SIPA1L1: variants seen among roughly 807,000 people sequenced by gnomAD.
SIPA1L1 encodes the protein signal induced proliferation associated 1 like 1, also known as signal-induced proliferation-associated 1-like protein 1.
In SIPA1L1, 26 loss-of-function variants were observed where a neutral mutation model predicts 162.7. That is an observed-to-expected ratio of 0.16 (90% CI 0.12 to 0.22). The LOEUF (loss-of-function observed/expected upper bound fraction) is 0.22. Among genes scored for constraint, SIPA1L1 ranks in the 10% least tolerant of loss-of-function variants. The probability of loss-of-function intolerance (pLI) is 1.00; values close to 1 mark genes in which losing one functional copy is unlikely to be tolerated. For synonymous variants in SIPA1L1, 829 were observed against 837.4 expected (o/e 0.99, Z 0.17); for missense variants, 1,874 against 2,241.0 (o/e 0.84, Z 3.31).
chr14:71,498,119 T>C (rs4899396), intron 2 of SIPA1L1, among the ~76,000 whole-genome samples: 103,491 of 152,120 alleles, frequency 0.68, 36,899 homozygotes, highest in African/African-American at 0.9. Context: ...ATGTATTTGC[T>C]ATCTTTGTAC....
chr14:71,320,911 G>C (rs2032696319), intron 1 of SIPA1L1, among the ~76,000 whole-genome samples: 1 of 151,948 alleles, frequency 6.6e-6, no homozygotes, highest in Admixed American at 6.5e-5. Flanking sequence ...CCTCCTCCGG[G>C]AGCTCGGCCC....
At chr14:71,452,599 G>A (rs1271638630) in intron 2 of SIPA1L1, among the ~76,000 whole-genome samples, 1 of 152,176 alleles carries the variant, frequency 6.6e-6, no homozygotes, top group Non-Finnish European at 1.5e-5. Flanking sequence ...AGATTTAGTA[G>A]ACACTGCAAA....
chr14:71,732,732 G>C (rs1341613981), intron 20 of SIPA1L1, among the ~76,000 whole-genome samples: 1 of 152,196 alleles, frequency 6.6e-6, no homozygotes, highest in Admixed American at 6.5e-5. Flanking sequence ...AATAATGCCA[G>C]TTCCACCCCT....
rs570349178 is a variant in SIPA1L1 at position 71,549,688 on chromosome 14, C to T, written c.-303+20318C>T. On this transcript the variant is annotated intron_variant, in intron 4 of 23. Transcript: ENST00000381232. ...TCCTTTTTATAAATTCCAATGTACCCAGTTAAGTTGAAGCAAAGGTTGTTA... is the reference window on the plus strand; with the variant it reads ...TCCTTTTTATAAATTCCAATGTACCTAGTTAAGTTGAAGCAAAGGTTGTTA... Among the ~76,000 whole-genome samples the T allele has an allele frequency of 1.4e-4, 21 of 152,254 alleles. No homozygotes were observed. The East Asian group carries it at 3.1e-3, about 22-fold the overall frequency.
intron 2 of SIPA1L1, among the ~76,000 whole-genome samples, chr14:71,470,786 A>G (rs527981154): frequency 4.6e-5 from 7 of 152,184 alleles, no homozygotes; most frequent in African/African-American, 1.4e-4. Flanking sequence ...TTCTAATTAT[A>G]TATGGAAAAC....
chr14:71,711,078 A>G (rs2082844860), intron 17 of SIPA1L1, among the ~76,000 whole-genome samples: 1 of 152,134 alleles, frequency 6.6e-6, no homozygotes, highest in African/African-American at 2.4e-5. Flanking sequence ...GCCTTTCACT[A>G]GTTTTGTTTC....
In SIPA1L1 at chr14:71,588,841, G is replaced by A. The variant is rs751250734; in HGVS notation, c.969G>A (p.Arg323=). 1 of 1,613,988 alleles carries A rather than the reference G, an allele frequency of 6.2e-7. No individual in the cohort carries two copies. ...LEDNRSEDSV[R]PWTCPKCFAH... ...ATAACCGATCAGAAGACTCTGTCAG[G>A]CCCTGGACATGTCCAAAGTGCTTTG... is the stretch of plus-strand genomic sequence containing the variant. The change falls in exon 5 of 24, where the codon AGG becomes AGA. Residue 323 remains arginine (R), a synonymous_variant. Transcript: ENST00000381232. The surrounding 1 kb of genome is among the most constrained non-coding windows in gnomAD (Gnocchi z 4.3).
chr14:71,724,594 A>C (rs2084053292), intron 18 of SIPA1L1, 76 bp from the exon 19 acceptor site: 1 of 1,172,286 alleles, frequency 8.5e-7, no homozygotes, highest in Non-Finnish European at 1.2e-6. Context: ...ATTGACTTAC[A>C]TCCTTTAGAG....
intron 10 of SIPA1L1, among the ~76,000 whole-genome samples, chr14:71,663,129 T>A (rs185024782): frequency 3.0e-4 from 45 of 152,352 alleles, no homozygotes; most frequent in Middle Eastern, 3.4e-3. Context: ...CAGATTTTTT[T>A]AAAAAGTGCC....
intron 4 of SIPA1L1, among the ~76,000 whole-genome samples, chr14:71,544,257 C>T (rs1567181717): frequency 1.4e-4 from 15 of 105,832 alleles, no homozygotes; most frequent in Admixed American, 2.8e-4. Context: ...TATGTATATA[C>T]ACATGATATG....
intron 4 of SIPA1L1, among the ~76,000 whole-genome samples, chr14:71,585,195 A>T (rs143785464): frequency 3.3e-5 from 5 of 151,870 alleles, no homozygotes; most frequent in Non-Finnish European, 5.9e-5. Context: ...AAAAAAAAAC[A>T]TAGAAAAGGA....
At position 71,529,364 on chromosome 14, in the gene SIPA1L1, G is replaced by C. The variant is rs1165628851; in HGVS notation, c.-309G>C. On this transcript the variant is annotated 5_prime_UTR_variant, in exon 4 of 24. Coordinates refer to ENST00000381232, the MANE Select transcript of SIPA1L1 (RefSeq NM_001386936.1). ...CTAAATTTCGGTAGCCATGGCACAA[G>C]AATATAGTAAGTACTATGCCATACT... The C allele has an allele frequency of 4.4e-6, 3 of 683,516 alleles. No individual in the cohort carries two copies. The highest frequency in any genetic ancestry group is 8.0e-6 in the Non-Finnish European group (3 of 375,250). The allele number at this position is 683,516 out of a possible 1,614,324, so 42.3% of individuals were successfully genotyped here.
rs551593630 is a variant in SIPA1L1, at chr14:71,428,238, C to T, written c.-464-84505C>T. ...CTCGAACTCCTGACCTCAGGTGATT[C>T]CCCCCACCTCAGCCTCCCAAAATGC... On this transcript the variant is annotated intron_variant, in intron 2 of 23. Coordinates refer to ENST00000381232, the MANE Select transcript of SIPA1L1 (RefSeq NM_001386936.1). Among the ~76,000 whole-genome samples the T allele has an allele frequency of 4.0e-5, 6 of 151,478 alleles. No homozygotes were observed. In the East Asian group the frequency reaches 7.7e-4, roughly 20 times the overall value.
At chr14:71,589,408 C>T (rs767646996) in intron 5 of SIPA1L1, 38 bp downstream of exon 5, 4 of 1,372,202 alleles carry the variant, frequency 2.9e-6, no homozygotes, top group Admixed American at 3.8e-5. Flanking sequence ...TTTTCTTTTG[C>T]AGTACTTTCT....
chr14:71,474,757 G>A (rs2047717706), intron 2 of SIPA1L1, among the ~76,000 whole-genome samples: 1 of 152,048 alleles, frequency 6.6e-6, no homozygotes, highest in Non-Finnish European at 1.5e-5. Flanking sequence ...ATAGCTTCCA[G>A]TTTTTCCTCT....
chr14:71,663,046 C>A (rs2043672684), intron 10 of SIPA1L1, among the ~76,000 whole-genome samples: 1 of 152,184 alleles, frequency 6.6e-6, no homozygotes, highest in Non-Finnish European at 1.5e-5. Flanking sequence ...TCTTTTCAAG[C>A]CTTTGTCTGA....
At chr14:71,634,624 A>G (rs1318942719) in intron 7 of SIPA1L1, among the ~76,000 whole-genome samples, 1 of 152,064 alleles carries the variant, frequency 6.6e-6, no homozygotes, top group Non-Finnish European at 1.5e-5. Context: ...ACTTGTTACC[A>G]GGAAACCTAC....
chr14:71,381,219 A>AT (rs1225872952), intron 2 of SIPA1L1, among the ~76,000 whole-genome samples: 1 of 151,858 alleles, frequency 6.6e-6, no homozygotes, highest in East Asian at 1.9e-4. Flanking sequence ...TGCCCGGCTA[A>AT]TTTTTTGTAT....
intron 2 of SIPA1L1, among the ~76,000 whole-genome samples, chr14:71,505,987 C>T (rs1272446766): frequency 5.6e-5 from 8 of 141,760 alleles, no homozygotes; most frequent in Admixed American, 2.9e-4. Flanking sequence ...AAAATCCCCA[C>T]GAAAACGTAA....
Sources: allele counts gnomAD v4.1 joint callset (sites outside exome capture counted in the v4.1 genomes callset), GRCh38; gene constraint gnomAD v4.1.1; non-coding constraint Gnocchi (gnomAD v3.1); transcripts MANE v1.5; gene names NCBI Gene and HGNC (gene_info 2026-07-23, HGNC 2026-07-21).